The following NCOA2 variants were observed in gnomAD, a reference collection of about 807,000 sequenced individuals.
NCOA2 encodes the protein nuclear receptor coactivator 2, also known as class E basic helix-loop-helix protein 75.
A neutral mutation model predicts 145.1 loss-of-function variants in NCOA2; 21 were observed. That is an observed-to-expected ratio of 0.14 (90% CI 0.10 to 0.21). The LOEUF is 0.21. Among genes scored for constraint, NCOA2 ranks in the 10% least tolerant of loss-of-function variants. NCOA2 has a pLI of 1.00. For missense variants in NCOA2, 1,472 were observed against 1,837.6 expected (o/e 0.80, Z 3.64); for synonymous variants, 619 against 637.5 (o/e 0.97, Z 0.44).
chr8:70,400,178 TAAC>T (rs1313350844), intron 1 of NCOA2, among the ~76,000 whole-genome samples: 6 of 152,178 alleles, frequency 3.9e-5, no homozygotes, highest in African/African-American at 1.4e-4. Flanking sequence ...CAAAACATAT[TAAC>T]TACTCAAAAC....
intron 1 of NCOA2, among the ~76,000 whole-genome samples, chr8:70,383,188 T>C (rs114462334): frequency 0.011 from 1,738 of 152,170 alleles, 42 homozygotes; most frequent in African/African-American, 0.04. Context: ...AGCTGGGATA[T>C]GAAGGCCAGG....
chr8:70,229,861 T>C (rs1459777560), intron 2 of NCOA2, among the ~76,000 whole-genome samples: 2 of 152,346 alleles, frequency 1.3e-5, no homozygotes, highest in East Asian at 1.9e-4. Context: ...ACCGCTGCCC[T>C]AAACTTTAGA....
chr8:70,174,210 T>A (rs190586685), intron 5 of NCOA2, among the ~76,000 whole-genome samples: 211 of 152,334 alleles, frequency 1.4e-3, no homozygotes, highest in African/African-American at 4.8e-3. Flanking sequence ...TAGCTGGTCA[T>A]AAAGCTTCCT....
chr8:70,167,377 C>T (rs1022448050), intron 6 of NCOA2, among the ~76,000 whole-genome samples: 4 of 152,160 alleles, frequency 2.6e-5, no homozygotes, highest in African/African-American at 7.2e-5. Flanking sequence ...ATACCGGGCC[C>T]GCATGGATGT....
At chr8:70,390,983 G>C (rs1813148605) in intron 1 of NCOA2, among the ~76,000 whole-genome samples, 1 of 152,078 alleles carries the variant, frequency 6.6e-6, no homozygotes, top group East Asian at 1.9e-4. Context: ...GATCCAAGAG[G>C]GAAGAGAGGG....
chr8:70,153,399 T>C (rs887201927), intron 11 of NCOA2, among the ~76,000 whole-genome samples: 1 of 152,220 alleles, frequency 6.6e-6, no homozygotes, highest in Non-Finnish European at 1.5e-5. Context: ...TGCAAGTGAC[T>C]CAAGGAGTTT....
At chr8:70,297,392 G>A (rs537130565) in intron 1 of NCOA2, among the ~76,000 whole-genome samples, 32 of 152,290 alleles carry the variant, frequency 2.1e-4, no homozygotes, top group African/African-American at 7.0e-4. Context: ...GGAATGCAGT[G>A]GCACTATCAC....
Position 70,335,155 on chromosome 8 carries a change from A to AAAT in NCOA2, c.-76-38356_-76-38355insATT, listed in dbSNP as rs774576238. Among the ~76,000 whole-genome samples, 772 of 115,350 alleles carry AAAT rather than the reference A, an allele frequency of 6.7e-3. 21 individuals are homozygous for AAAT. The highest frequency in any genetic ancestry group is 0.031 in the East Asian group (113 of 3,660). 75.7% of individuals were successfully genotyped at this position (115,350 alleles called of 152,430 possible). On this transcript the variant is annotated intron_variant, in intron 1 of 22. Transcript: ENST00000452400. ...AAAAAAAAAAAAAAAAAAAAAAAAG[A>AAAT]TCTCTCCCTATGACCATTTTCTCAG...
At chr8:70,456,379 T>C in the NCOA2 span, among the ~76,000 whole-genome samples, 35,716 of 152,046 alleles carry the variant, frequency 0.23, 4,731 homozygotes, top group East Asian at 0.34. Flanking sequence ...ATAGATGTTA[T>C]TGGGGACCAA....
the NCOA2 span, among the ~76,000 whole-genome samples, chr8:70,455,187 G>A: frequency 7.9e-5 from 12 of 152,154 alleles, no homozygotes; most frequent in Non-Finnish European, 1.0e-4. Flanking sequence ...TAAGAGTTAC[G>A]GATGTTTCCA....
chr8:70,336,637 C>G (rs756097720), intron 1 of NCOA2, among the ~76,000 whole-genome samples: 1 of 151,624 alleles, frequency 6.6e-6, no homozygotes, highest in Non-Finnish European at 1.5e-5. Context: ...AGAGAGAAAA[C>G]GGAGGAAATG....
chr8:70,407,613 C>G (rs1050092194), upstream of NCOA2, among the ~76,000 whole-genome samples: 29 of 151,676 alleles, frequency 1.9e-4, no homozygotes, highest in African/African-American at 6.1e-4. Flanking sequence ...ATGGTGAAAC[C>G]CCGTCTGTAC....
At chr8:70,229,892 G>A (rs1188227287) in intron 2 of NCOA2, among the ~76,000 whole-genome samples, 8 of 152,162 alleles carry the variant, frequency 5.3e-5, no homozygotes, top group African/African-American at 1.9e-4. Flanking sequence ...CTTGCTCTAT[G>A]GGTGACCTGA....
At chr8:70,355,675 T>G (rs1163579732) in intron 1 of NCOA2, among the ~76,000 whole-genome samples, 3 of 152,152 alleles carry the variant, frequency 2.0e-5, no homozygotes, top group Admixed American at 6.6e-5. Flanking sequence ...GCCAAAAGAT[T>G]GGACACCCCT....
intron 13 of NCOA2, among the ~76,000 whole-genome samples, chr8:70,144,134 G>T (rs1810764047): frequency 6.6e-6 from 1 of 152,254 alleles, no homozygotes; most frequent in Non-Finnish European, 1.5e-5. Flanking sequence ...TCAAAAGGGA[G>T]CTGGGGACCA....
intron 1 of NCOA2, among the ~76,000 whole-genome samples, chr8:70,332,067 G>A (rs959430592): frequency 3.3e-5 from 5 of 152,264 alleles, no homozygotes; most frequent in Admixed American, 2.6e-4. Flanking sequence ...GCCATTTTAA[G>A]ACTTGTAAAT....
intron 1 of NCOA2, among the ~76,000 whole-genome samples, chr8:70,317,383 G>A (rs2136105722): frequency 6.6e-6 from 1 of 152,234 alleles, no homozygotes; most frequent in South Asian, 2.1e-4. Flanking sequence ...ACACAGCAGT[G>A]CCACCACCTT....
intron 1 of NCOA2, among the ~76,000 whole-genome samples, chr8:70,298,832 C>A (rs1827278031): frequency 6.6e-6 from 1 of 152,086 alleles, no homozygotes; most frequent in African/African-American, 2.4e-5. Context: ...GAGGCTGAGG[C>A]GGGTGGATCA....
chr8:70,192,626 C>A (rs1816814079), intron 4 of NCOA2, among the ~76,000 whole-genome samples: 1 of 152,214 alleles, frequency 6.6e-6, no homozygotes, highest in Non-Finnish European at 1.5e-5. Context: ...AACCATGCTC[C>A]AGGCTTCTCT....
Sources: gnomAD v4.1 joint callset for allele counts (sites outside exome capture counted in the v4.1 genomes callset) on GRCh38, gnomAD v4.1.1 for gene constraint, MANE v1.5 for transcripts, NCBI Gene and HGNC (gene_info 2026-07-23, HGNC 2026-07-21) for gene names.